The following TYK2 variants were observed in gnomAD, a reference collection of about 807,000 sequenced individuals.
TYK2 encodes the protein tyrosine kinase 2.
TYK2 carries 65 observed loss-of-function variants against 130.9 expected under a neutral mutation model. That is an observed-to-expected ratio of 0.50 (90% CI 0.41 to 0.61). The LOEUF (loss-of-function observed/expected upper bound fraction) is 0.61, where lower values mean the gene tolerates loss of function less well. Ranked by LOEUF, TYK2 falls within the 20% of genes least tolerant of loss-of-function variation. The pLI is 0.00. For missense variants in TYK2, 1,378 were observed against 1,610.7 expected (o/e 0.86, Z 2.47); for synonymous variants, 647 against 658.9 (o/e 0.98, Z 0.28).
At chr19:10,352,408 G>T in intron 23 of TYK2, 26 bp downstream of exon 23, 1 of 1,479,788 alleles carries the variant, frequency 6.8e-7, no homozygotes, top group East Asian at 2.3e-5. Context: ...GCAAACTCCC[G>T]GTGGGGCTGC....
Position 10,364,780 on chromosome 19 carries a change from CA to C in TYK2, c.1210-10del, listed in dbSNP as rs1568336980. 1 of 1,614,054 alleles carries C rather than the reference CA, an allele frequency of 6.2e-7. No individual in the cohort carries two copies. The highest frequency in any genetic ancestry group is 1.1e-5 in the South Asian group (1 of 91,092). ...GAAGGCAAGCTCAGCTCCTGCCAGC[CA>C]GGGGCGCATCAGGTGGGTGTCCTCC... On this transcript the variant is annotated splice_polypyrimidine_tract_variant and intron_variant, in intron 8 of 24. Coordinates refer to ENST00000525621, the MANE Select transcript of TYK2 (RefSeq NM_003331.5). The surrounding 1 kb of genome is among the most constrained non-coding windows in gnomAD (Gnocchi z 4.9).
chr19:10,365,445 G>A lies in TYK2; in HGVS notation c.1011+72C>T, dbSNP rs550004558. On this transcript the variant is annotated intron_variant, in intron 7 of 24. Transcript: ENST00000525621. ...CAGGTCAGCCACCCTCAGAGGCTAG[G>A]GTCAAGGATGAACACAGAAACCCAC... is the stretch of plus-strand genomic sequence containing the variant. 1.6e-5 allele frequency: 25 copies of A among 1,603,010 alleles called. No individual in the cohort carries two copies. In the Admixed American group the frequency reaches 4.2e-4, roughly 27 times the overall value.
intron 15 of TYK2, 128 bp from the exon 16 acceptor site, chr19:10,358,266 T>C: frequency 1.0e-6 from 1 of 987,864 alleles, no homozygotes; most frequent in East Asian, 2.7e-5. Context: ...TCTTTCTGTT[T>C]TGTTTTTTGG....
At chr19:10,369,679 G>A in intron 3 of TYK2, 1 of 450,506 alleles carries the variant, frequency 2.2e-6, no homozygotes, top group Admixed American at 2.4e-5. Flanking sequence ...CCCCAATCCA[G>A]TCTCCAGACT....
Position 10,353,935 on chromosome 19 carries a change from G to C in TYK2, c.2908+107C>G. The C allele has an allele frequency of 8.2e-7, 1 of 1,224,540 alleles. No individual in the cohort carries two copies. Among genetic ancestry groups the C allele is most frequent in the Non-Finnish European group, 1.2e-6 (1 of 847,118 alleles). 75.9% of individuals were successfully genotyped at this position (1,224,540 alleles called of 1,614,324 possible). ...CAAGAACCGCGTACTGCAGCCTGGG[G>C]TTGAGAGTCTCTAATTGGCTAGGCC... On this transcript the variant is annotated intron_variant, in intron 20 of 24. Transcript: ENST00000525621. This position sits in a 1 kb window ranked among gnomAD's most constrained non-coding sequence, Gnocchi z 6.9.
At chr19:10,377,582 GGATGGATGGATGAATGGA>G (rs1599368380) in intron 3 of TYK2, among the ~76,000 whole-genome samples, 14 of 130,686 alleles carry the variant, frequency 1.1e-4, no homozygotes, top group East Asian at 2.4e-4. Context: ...GTGGGTGGAT[GGATGGATGGATGAATGGA>G]TGGATGGGTG....
At chr19:10,374,103 A>G (rs187707707) in intron 3 of TYK2, among the ~76,000 whole-genome samples, 2 of 152,096 alleles carry the variant, frequency 1.3e-5, no homozygotes, top group Non-Finnish European at 2.9e-5. Flanking sequence ...TGTCTCTACT[A>G]AAAATACAAA....
intron 17 of TYK2, 162 bp downstream of exon 17, chr19:10,357,602 G>A (rs1017138889): frequency 1.1e-6 from 1 of 947,288 alleles, no homozygotes; most frequent in East Asian, 2.6e-5. Context: ...TAAAAAGGCT[G>A]GGACTACATT....
At position 10,353,081 on chromosome 19, in the gene TYK2, G is replaced by C. The variant is rs1197009454; in HGVS notation, c.3045C>G (p.His1015Gln). The change falls in exon 22 of 25, where the codon CAC becomes CAG. Residue 1015 changes from histidine to glutamine, a missense_variant. His to Gln is a conservative substitution (Grantham distance 24, BLOSUM62 0). Coordinates refer to ENST00000525621, the MANE Select transcript of TYK2 (RefSeq NM_003331.5). The surrounding 1 kb of genome is among the most constrained non-coding windows in gnomAD (Gnocchi z 6.9). ...GGTCTCGGTGGATGTAGTGCTGCGCGTGCAGATAGGCCATGCCCTGGGGAC... is the reference window on the plus strand; with the variant it reads ...GGTCTCGGTGGATGTAGTGCTGCGCCTGCAGATAGGCCATGCCCTGGGGAC... Reference protein sequence around the residue: ...QQICEGMAYLHAQHYIHRDLA... With the variant: ...QQICEGMAYLQAQHYIHRDLA... The C allele has an allele frequency of 1.9e-6, 3 of 1,548,222 alleles. No individual in the cohort carries two copies. Among genetic ancestry groups the C allele is most frequent in the Admixed American group, 1.8e-5 (1 of 54,644 alleles).
rs2041590485 is a variant in TYK2 at position 10,365,016 on chromosome 19, T to C, written c.1044A>G (p.Gln348=). Residue 348 remains glutamine (Q), a synonymous_variant, in exon 8 of 25, where the codon CAA becomes CAG. Transcript: ENST00000525621. ...TGGCCTTCTTCCCAAACAGGCTGGC[T>C]TGGGGGTTCCTGCCACTGCTGCCAC... ...GSSGSSGRNP[Q]ASLFGKKAKA... 1 of 1,610,106 alleles carries C rather than the reference T, an allele frequency of 6.2e-7. No individual in the cohort carries two copies. The highest frequency in any genetic ancestry group is 1.1e-5 in the South Asian group (1 of 90,876).
chr19:10,368,073 A>T lies in TYK2; in HGVS notation c.447T>A (p.Phe149Leu). 1 of 1,614,194 alleles carries T rather than the reference A, an allele frequency of 6.2e-7. No homozygotes were observed. Among genetic ancestry groups the T allele is most frequent in the South Asian group, 1.1e-5 (1 of 91,082 alleles). ...QGMQLLDPAS[F>L]EYLFEQGKHE... ...CTCATACCTGCTCAAAGAGGTACTC[A>T]AATGAGGCTGGGTCCAGGAGTTGCA... Residue 149 changes from phenylalanine to leucine, a missense_variant, in exon 5 of 25, where the codon TTT becomes TTA. Phe to Leu is a conservative substitution (Grantham distance 22). Transcript: ENST00000525621.
In TYK2 at chr19:10,361,988, G is replaced by A; in HGVS notation, c.1774-33C>T. 6.2e-7 allele frequency: 1 copy of A among 1,613,818 alleles called. No individual in the cohort carries two copies. The highest frequency in any genetic ancestry group is 8.5e-7 in the Non-Finnish European group (1 of 1,179,844). Reference sequence around the variant, plus strand: ...ATCATGTGGCACAGAATACCGCCATGGTGAAAGTTAGCAGCTGATCTCCCA... The same window carrying A: ...ATCATGTGGCACAGAATACCGCCATAGTGAAAGTTAGCAGCTGATCTCCCA... On this transcript the variant is annotated intron_variant, in intron 12 of 24. Transcript: ENST00000525621. This position sits in a 1 kb window ranked among gnomAD's most constrained non-coding sequence, Gnocchi z 4.0.
In TYK2 at chr19:10,364,952, G is replaced by T. The variant is rs550060811; in HGVS notation, c.1108C>A (p.Arg370=). 6.2e-7 allele frequency: 1 copy of T among 1,613,986 alleles called. No homozygotes were observed. Among genetic ancestry groups the T allele is most frequent in the African/African-American group, 1.3e-5 (1 of 74,958 alleles). The part of the protein sequence containing the change: ...KAVGQPADRP[R]EPLWAYFCDF... ...CAGAAGTAGGCCCACAGTGGCTCCCGCGGCCTGTCTGCCGGCTGGCCGACT... is the reference window on the plus strand; with the variant it reads ...CAGAAGTAGGCCCACAGTGGCTCCCTCGGCCTGTCTGCCGGCTGGCCGACT... Residue 370 remains arginine, a synonymous_variant, in exon 8 of 25, where the codon CGG becomes AGG. Transcript: ENST00000525621. This position sits in a 1 kb window ranked among gnomAD's most constrained non-coding sequence, Gnocchi z 4.9.
chr19:10,363,689 G>C (rs1429289089), intron 9 of TYK2, among the ~76,000 whole-genome samples: 1 of 152,156 alleles, frequency 6.6e-6, no homozygotes, highest in Non-Finnish European at 1.5e-5. Flanking sequence ...GGGCAACATA[G>C]GGGCCAGGGC....
intron 17 of TYK2, 124 bp from the exon 18 acceptor site, chr19:10,356,842 A>G: frequency 9.8e-7 from 1 of 1,016,900 alleles, no homozygotes; most frequent in South Asian, 1.4e-5. Context: ...TCCATTATAC[A>G]GATGAGGCAA....
rs972088793 is a variant in TYK2 at position 10,366,987 on chromosome 19, T to C, written c.466-407A>G. Among the ~76,000 whole-genome samples, 4 of 150,892 alleles carry C rather than the reference T, an allele frequency of 2.7e-5. No individual in the cohort carries two copies. In the South Asian group the frequency reaches 6.3e-4, roughly 24 times the overall value. ...TGAACCTGGGAGGCAGAGGTTGCAGTGAGCTGAGATCATGACATTGCACTC... is the reference window on the plus strand; with the variant it reads ...TGAACCTGGGAGGCAGAGGTTGCAGCGAGCTGAGATCATGACATTGCACTC... On this transcript the variant is annotated intron_variant, in intron 5 of 24. Coordinates refer to ENST00000525621, the MANE Select transcript of TYK2 (RefSeq NM_003331.5).
At chr19:10,350,992 T>TG in intron 24 of TYK2, 24 bp from the exon 25 acceptor site, 2 of 1,614,044 alleles carry the variant, frequency 1.2e-6, no homozygotes. Context: ...CCAGGGCTGG[T>TG]GGGGGCTGCC....
chr19:10,371,282 G>A (rs1414701438), intron 3 of TYK2, among the ~76,000 whole-genome samples: 5 of 151,844 alleles, frequency 3.3e-5, no homozygotes, highest in African/African-American at 1.2e-4. Flanking sequence ...ACAGGCATAA[G>A]CCAGTGTGCT....
At chr19:10,357,333 G>T (rs972716411) in intron 17 of TYK2, 1 of 608,080 alleles carries the variant, frequency 1.6e-6, no homozygotes, top group Non-Finnish European at 2.9e-6. Flanking sequence ...AGGTTGCAGT[G>T]AGCTGAGATC....
Sources: allele counts gnomAD v4.1 joint callset (sites outside exome capture counted in the v4.1 genomes callset), GRCh38; gene constraint gnomAD v4.1.1; non-coding constraint Gnocchi (gnomAD v3.1); transcripts MANE v1.5; gene names NCBI Gene and HGNC (gene_info 2026-07-23, HGNC 2026-07-21).